Variants in MBD5 observed in about 807,000 individuals in gnomAD.
The protein encoded by MBD5 is methyl-CpG-binding domain protein 5.
A neutral mutation model predicts 117.3 loss-of-function variants in MBD5; 13 were observed. The observed-to-expected ratio is 0.11, with a 90% CI of 0.07 to 0.18. The LOEUF is 0.18. Among genes scored for constraint, MBD5 ranks in the 10% least tolerant of loss-of-function variants. The pLI is 1.00. For synonymous variants in MBD5, 727 were observed against 766.4 expected (o/e 0.95, Z 0.85); for missense variants, 1,879 against 2,093.8 (o/e 0.90, Z 2.00).
intron 1 of MBD5, among the ~76,000 whole-genome samples, chr2:148,119,603 T>C (rs1696718860): frequency 6.6e-6 from 1 of 152,180 alleles, no homozygotes; most frequent in South Asian, 2.1e-4. Context: ...AGAGATTGTT[T>C]CCTGTGTTTT....
rs1378996684 is a variant in MBD5 at position 148,330,046 on chromosome 2, C to CT, written c.-679-12168_-679-12167insT. The stretch of plus-strand genomic sequence containing the variant: ...TTGTAGGTAAGAACCCCCCCCCGCC[C>CT]CCCCCACACACACACACACACTGCC... On this transcript the variant is annotated intron_variant, in intron 3 of 13. Transcript: ENST00000642680. Among the ~76,000 whole-genome samples the CT allele has an allele frequency of 7.7e-4, 23 of 29,920 alleles. 2 individuals carry two copies. Among genetic ancestry groups the CT allele is most frequent in the African/African-American group, 2.5e-3 (23 of 9,254 alleles). 19.6% of individuals were successfully genotyped at this position (29,920 alleles called of 152,430 possible). A position where few individuals can be genotyped will look rare whatever the true frequency, so the allele number is the denominator to read the frequency against.
chr2:148,494,204 G>T (rs1383521136), intron 11 of MBD5, among the ~76,000 whole-genome samples: 1 of 152,126 alleles, frequency 6.6e-6, no homozygotes, highest in Non-Finnish European at 1.5e-5. Context: ...ATGTATAAAG[G>T]ATTTATTAAC....
At chr2:148,354,999 G>A (rs1032361176) in intron 4 of MBD5, among the ~76,000 whole-genome samples, 6 of 151,166 alleles carry the variant, frequency 4.0e-5, no homozygotes, top group African/African-American at 1.2e-4. Flanking sequence ...TTGTGGTTTT[G>A]ATTTGCATTT....
At chr2:148,212,211 G>A (rs1400193279) in intron 2 of MBD5, among the ~76,000 whole-genome samples, 1 of 152,126 alleles carries the variant, frequency 6.6e-6, no homozygotes, top group South Asian at 2.1e-4. Context: ...ACTCCAAAAA[G>A]AAACCCTGTA....
At chr2:148,149,666 T>G (rs1697584552) in intron 1 of MBD5, among the ~76,000 whole-genome samples, 2 of 152,218 alleles carry the variant, frequency 1.3e-5, no homozygotes, top group Admixed American at 1.3e-4. Context: ...ATTGTGGTTT[T>G]GATTTGCATT....
chr2:148,071,217 A>T (rs1205305741), intron 1 of MBD5: 1 of 152,044 alleles, frequency 6.6e-6, no homozygotes, highest in Non-Finnish European at 1.5e-5. Flanking sequence ...TTTTGTTCAA[A>T]GTCAAAAATC....
At chr2:148,127,234 T>A (rs1696922526) in intron 1 of MBD5, among the ~76,000 whole-genome samples, 1 of 152,162 alleles carries the variant, frequency 6.6e-6, no homozygotes, top group South Asian at 2.1e-4. Context: ...CCCAATTTTC[T>A]TCAGCTTTTA....
intron 1 of MBD5, among the ~76,000 whole-genome samples, chr2:148,090,124 A>G (rs1339519060): frequency 6.6e-6 from 1 of 152,122 alleles, no homozygotes; most frequent in Non-Finnish European, 1.5e-5. Flanking sequence ...CAAGCCTCCT[A>G]GATTAAATCA....
In MBD5 at chr2:148,342,635, G is replaced by T. The variant is rs578224232; in HGVS notation, c.-557+299G>T. On this transcript the variant is annotated intron_variant, in intron 4 of 13. Coordinates refer to ENST00000642680, the MANE Select transcript of MBD5 (RefSeq NM_001378120.1). The stretch of plus-strand genomic sequence containing the variant: ...TTCCTGAATTTATTTTTATATATGT[G>T]TATTATGTATAATATGTGGATTTAT... Among the ~76,000 whole-genome samples, 16 of 151,846 alleles carry T rather than the reference G, an allele frequency of 1.1e-4. No individual in the cohort carries two copies. In the South Asian group the frequency reaches 2.9e-3, roughly 28 times the overall value.
At chr2:148,145,204 G>A (rs955096270) in intron 1 of MBD5, among the ~76,000 whole-genome samples, 2 of 152,132 alleles carry the variant, frequency 1.3e-5, no homozygotes, top group African/African-American at 2.4e-5. Flanking sequence ...TGTTCTCTTT[G>A]AAGCAATTGT....
chr2:148,461,057 C>T (rs1016816522), intron 5 of MBD5, among the ~76,000 whole-genome samples: 3 of 152,116 alleles, frequency 2.0e-5, no homozygotes, highest in Non-Finnish European at 4.4e-5. Flanking sequence ...CTCAGCCTCC[C>T]GAGTAGCTGG....
intron 1 of MBD5, among the ~76,000 whole-genome samples, chr2:148,053,406 TAATAA>T (rs1389222370): frequency 3.9e-5 from 6 of 152,134 alleles, no homozygotes; most frequent in African/African-American, 1.2e-4. Flanking sequence ...TGAAGCTTAA[TAATAA>T]AATAAATATC....
At chr2:148,479,901 T>C (rs1681096159) in intron 8 of MBD5, among the ~76,000 whole-genome samples, 1 of 152,046 alleles carries the variant, frequency 6.6e-6, no homozygotes, top group Admixed American at 6.5e-5. Flanking sequence ...ATAGTTATAC[T>C]AGCAATATAA....
intron 4 of MBD5, among the ~76,000 whole-genome samples, chr2:148,376,211 C>T (rs1286251156): frequency 6.6e-6 from 1 of 151,744 alleles, no homozygotes. Flanking sequence ...TTAAGCTCTA[C>T]ATGTATGATT....
chr2:148,422,414 G>C (rs777950845), intron 4 of MBD5, among the ~76,000 whole-genome samples: 1 of 152,094 alleles, frequency 6.6e-6, no homozygotes, highest in Non-Finnish European at 1.5e-5. Context: ...AATCCATTCA[G>C]AGACCCCATC....
At chr2:148,394,105 G>C (rs1358742576) in intron 4 of MBD5, among the ~76,000 whole-genome samples, 1 of 151,990 alleles carries the variant, frequency 6.6e-6, no homozygotes, top group Admixed American at 6.5e-5. Flanking sequence ...AAGTATGTGG[G>C]GTCCTGTTGT....
intron 3 of MBD5, among the ~76,000 whole-genome samples, chr2:148,255,823 G>A (rs1700576372): frequency 6.6e-6 from 1 of 152,240 alleles, no homozygotes; most frequent in African/African-American, 2.4e-5. Context: ...CATACCTGCA[G>A]CTTGCAGGTT....
intron 3 of MBD5, among the ~76,000 whole-genome samples, chr2:148,288,073 G>C (rs183417564): frequency 6.6e-6 from 1 of 151,580 alleles, no homozygotes; most frequent in East Asian, 1.9e-4. Context: ...TTATGTTGGT[G>C]TGTGTGTGTG....
At chr2:148,494,307 A>C (rs1033105811) in intron 11 of MBD5, among the ~76,000 whole-genome samples, 28 of 152,214 alleles carry the variant, frequency 1.8e-4, no homozygotes, top group African/African-American at 6.8e-4. Context: ...GGCATATCTG[A>C]TTATAAGCTA....
Sources: allele counts gnomAD v4.1 joint callset (sites outside exome capture counted in the v4.1 genomes callset), GRCh38; gene constraint gnomAD v4.1.1; transcripts MANE v1.5; gene names NCBI Gene and HGNC (gene_info 2026-07-23, HGNC 2026-07-21).